ERP44: variants seen among roughly 807,000 people sequenced by gnomAD.
ERP44 encodes endoplasmic reticulum resident protein 44.
In ERP44, 25 loss-of-function variants were observed where a neutral mutation model predicts 53.4. The ratio of observed to expected loss-of-function variants is 0.47; its 90% confidence interval spans 0.34 to 0.65. The LOEUF (loss-of-function observed/expected upper bound fraction) is 0.65. ERP44 is among the 30% of genes least tolerant of loss of function. ERP44 has a pLI of 0.01. For missense variants in ERP44, 338 were observed against 493.2 expected (o/e 0.69, Z 2.98); for synonymous variants, 145 against 161.2 (o/e 0.90, Z 0.76).
At chr9:100,093,916 A>G (rs1037313544) in intron 1 of ERP44, among the ~76,000 whole-genome samples, 3 of 152,250 alleles carry the variant, frequency 2.0e-5, no homozygotes, top group African/African-American at 7.2e-5. Context: ...AAACTATTAC[A>G]TTGTTGGTGA....
chr9:100,085,443 A>G (rs1826469388), intron 1 of ERP44, among the ~76,000 whole-genome samples: 1 of 152,244 alleles, frequency 6.6e-6, no homozygotes, highest in Admixed American at 6.5e-5. Flanking sequence ...GATTTAGCTT[A>G]AGGGCCAAAA....
Position 100,052,420 on chromosome 9 carries a change from G to A in ERP44, c.283C>T (p.His95Tyr), listed in dbSNP as rs1321495009. The change falls in exon 4 of 12, where the codon CAC (histidine) becomes TAC (tyrosine). Residue 95 changes from histidine (H) to tyrosine (Y), a missense_variant. His to Tyr is a moderately conservative substitution (Grantham distance 83). Coordinates refer to ENST00000262455, the MANE Select transcript of ERP44 (RefSeq NM_015051.3). ...VVFARVDCDQ[H>Y]SDIAQRYRIS... ...GACTTCCTATTGAGGTACTTACAGT[G>A]CTGATCACAATCAACTCTGGCAAAC... The A allele has an allele frequency of 1.3e-6, 2 of 1,592,032 alleles. No individual in the cohort carries two copies. The highest frequency in any genetic ancestry group is 1.7e-5 in the Admixed American group (1 of 59,606).
Position 100,021,405 on chromosome 9 carries a change from G to A in ERP44, c.471+637C>T, listed in dbSNP as rs189662952. 1.2e-4 allele frequency among the ~76,000 whole-genome samples: 18 copies of A among 152,308 alleles called. No homozygotes were observed. In the East Asian group the frequency reaches 1.4e-3, roughly 11 times the overall value. ...CAAACATGCTCACACTACTTGCTGT[G>A]ATGTGAGCAATAAAGTCCTTTGTCT... On this transcript the variant is annotated intron_variant, in intron 5 of 11. Transcript: ENST00000262455.
At chr9:100,060,611 C>T (rs1190809554) in intron 1 of ERP44, among the ~76,000 whole-genome samples, 1 of 152,118 alleles carries the variant, frequency 6.6e-6, no homozygotes, top group Non-Finnish European at 1.5e-5. Flanking sequence ...GCAAGAAAGA[C>T]TTTTGCAAGT....
chr9:100,083,370 A>G (rs1186408452), intron 1 of ERP44, among the ~76,000 whole-genome samples: 1 of 152,190 alleles, frequency 6.6e-6, no homozygotes, highest in Non-Finnish European at 1.5e-5. Flanking sequence ...AAAGACCTCC[A>G]AAATACATTA....
At chr9:99,993,887 A>G (rs1376711695) in intron 10 of ERP44, among the ~76,000 whole-genome samples, 1 of 152,250 alleles carries the variant, frequency 6.6e-6, no homozygotes, top group Non-Finnish European at 1.5e-5. Context: ...TTATGCAGCC[A>G]ACAGGCACAT....
At chr9:100,051,171 T>C (rs1004897303) in intron 4 of ERP44, among the ~76,000 whole-genome samples, 2 of 152,190 alleles carry the variant, frequency 1.3e-5, no homozygotes, top group South Asian at 2.1e-4. Flanking sequence ...CTCAGAAGAC[T>C]GTGAAATGAT....
intron 8 of ERP44, among the ~76,000 whole-genome samples, chr9:100,014,875 C>A (rs931788932): frequency 6.6e-6 from 1 of 152,210 alleles, no homozygotes; most frequent in Non-Finnish European, 1.5e-5. Flanking sequence ...GGGTGGCTTA[C>A]AAATTAACAG....
intron 7 of ERP44, among the ~76,000 whole-genome samples, 191 bp from the exon 8 acceptor site, chr9:100,016,629 G>C (rs1226402403): frequency 6.6e-6 from 1 of 152,156 alleles, no homozygotes; most frequent in African/African-American, 2.4e-5. Flanking sequence ...AGCCTCCAGA[G>C]TAGCTGGGAC....
At chr9:100,008,693 A>G (rs571170165) in intron 8 of ERP44, among the ~76,000 whole-genome samples, 1 of 152,362 alleles carries the variant, frequency 6.6e-6, no homozygotes, top group African/African-American at 2.4e-5. Flanking sequence ...ACTTGTATAT[A>G]AGATCAATTA....
intron 1 of ERP44, among the ~76,000 whole-genome samples, chr9:100,061,498 A>G (rs1386869768): frequency 2.0e-5 from 3 of 147,254 alleles, no homozygotes; most frequent in Non-Finnish European, 4.5e-5. Flanking sequence ...ATAAATATAT[A>G]TTTATAGAAA....
intron 10 of ERP44, among the ~76,000 whole-genome samples, chr9:100,002,336 T>C (rs186926207): frequency 2.6e-3 from 397 of 152,336 alleles, no homozygotes; most frequent in African/African-American, 9.1e-3. Context: ...TTTGACTGTA[T>C]ACTTACTTTC....
At chr9:100,059,615 G>A (rs1826120872) in intron 2 of ERP44, among the ~76,000 whole-genome samples, 1 of 152,108 alleles carries the variant, frequency 6.6e-6, no homozygotes, top group African/African-American at 2.4e-5. Context: ...TTGAGCCCAG[G>A]AGGTGGTCAA....
At position 100,055,506 on chromosome 9, in the gene ERP44, G is replaced by A. The variant is rs1286887497; in HGVS notation, c.170+2314C>T. On this transcript the variant is annotated intron_variant, in intron 3 of 11. Coordinates refer to ENST00000262455, the MANE Select transcript of ERP44 (RefSeq NM_015051.3). The stretch of plus-strand genomic sequence containing the variant: ...TCCTGCCTCAGCCTCCCAAGTAGCT[G>A]GGATTACAGGTGCCTGCCACGTCCG... Among the ~76,000 whole-genome samples the A allele has an allele frequency of 3.3e-5, 5 of 152,316 alleles. No individual in the cohort carries two copies. In the East Asian group the frequency reaches 7.7e-4, roughly 24 times the overall value.
chr9:100,089,580 C>CAAAAAAA (rs71498726), intron 1 of ERP44, among the ~76,000 whole-genome samples: 4 of 43,526 alleles, frequency 9.2e-5, no homozygotes, highest in Non-Finnish European at 9.7e-5. Flanking sequence ...GACTCCATCT[C>CAAAAAAA]AAAAAAAAAA....
At chr9:99,998,871 GCT>G (rs1156931596) in intron 10 of ERP44, 1 of 1,538,436 alleles carries the variant, frequency 6.5e-7, no homozygotes, top group African/African-American at 1.4e-5. Flanking sequence ...CTAGCAATGA[GCT>G]CTCTTGTCTT....
chr9:99,979,629 C>G lies in ERP44; in HGVS notation c.*2983G>C, dbSNP rs578096873. 2.4e-5 allele frequency: 6 copies of G among 252,522 alleles called. No individual in the cohort carries two copies. Among genetic ancestry groups the G allele is most frequent in the Admixed American group, 1.6e-4 (3 of 18,404 alleles). 15.6% of individuals were successfully genotyped at this position (252,522 alleles called of 1,614,324 possible). A position where few individuals can be genotyped will look rare whatever the true frequency, so the allele number is the denominator to read the frequency against. ...GGTCCCCCTCACAATTTGAAAAACT[C>G]GAAGAGGTAGCTGGCTAAGAAGCAG... On this transcript the variant is annotated 3_prime_UTR_variant, in exon 12 of 12. Transcript: ENST00000262455.
chr9:100,020,836 CA>C, intron 5 of ERP44, 105 bp from the exon 6 acceptor site: 1 of 611,004 alleles, frequency 1.6e-6, no homozygotes, highest in Non-Finnish European at 2.9e-6. Context: ...AGTCATTGTT[CA>C]AATGAAGTAT....
intron 1 of ERP44, among the ~76,000 whole-genome samples, chr9:100,097,704 A>G (rs1826658577): frequency 6.6e-6 from 1 of 152,232 alleles, no homozygotes; most frequent in Non-Finnish European, 1.5e-5. Flanking sequence ...GGTCCAAGTG[A>G]CAAAAGAAAA....
Sources: gnomAD v4.1 joint callset for allele counts (sites outside exome capture counted in the v4.1 genomes callset) on GRCh38, gnomAD v4.1.1 for gene constraint, MANE v1.5 for transcripts, NCBI Gene and HGNC (gene_info 2026-07-23, HGNC 2026-07-21) for gene names.